RCOR1: variants seen among roughly 807,000 people sequenced by gnomAD.
RCOR1 encodes REST corepressor.
Under a neutral mutation model 64.0 loss-of-function variants are expected in RCOR1, and 12 were observed. The observed-to-expected ratio is 0.19, with a 90% confidence interval of 0.12 to 0.30. The LOEUF (loss-of-function observed/expected upper bound fraction) is 0.30. Ranked by LOEUF, RCOR1 falls within the 10% of genes least tolerant of loss-of-function variation. RCOR1 has a pLI of 1.00. For synonymous variants in RCOR1, 279 were observed against 227.2 expected (o/e 1.23, Z -2.05); for missense variants, 502 against 621.2 (o/e 0.81, Z 2.04).
At chr14:102,660,618 A>C (rs1346748734) in intron 2 of RCOR1, among the ~76,000 whole-genome samples, 2 of 152,128 alleles carry the variant, frequency 1.3e-5, no homozygotes, top group Non-Finnish European at 1.5e-5. Context: ...GGTTCTCCCT[A>C]CTTGGCCTCC....
chr14:102,632,847 C>G (rs1019379570), intron 2 of RCOR1, among the ~76,000 whole-genome samples: 4 of 145,944 alleles, frequency 2.7e-5, no homozygotes, highest in African/African-American at 1.0e-4. Flanking sequence ...GGATCTCACT[C>G]TGTCACCTAG....
intron 2 of RCOR1, among the ~76,000 whole-genome samples, chr14:102,602,737 G>A (rs1211796368): frequency 6.6e-6 from 1 of 151,780 alleles, no homozygotes; most frequent in Non-Finnish European, 1.5e-5. Flanking sequence ...ACTTGATATC[G>A]TTCTGCCTCT....
chr14:102,669,417 A>C (rs554650807), intron 2 of RCOR1, among the ~76,000 whole-genome samples: 46 of 152,312 alleles, frequency 3.0e-4, no homozygotes, highest in African/African-American at 1.0e-3. Context: ...AGAATTCTTA[A>C]GCCATTTAAC....
chr14:102,702,516 G>T lies in RCOR1; in HGVS notation c.498+1186G>T, dbSNP rs182449756. 4.7e-5 allele frequency among the ~76,000 whole-genome samples: 7 copies of T among 150,484 alleles called. No homozygotes were observed. In the East Asian group the frequency reaches 1.4e-3, roughly 29 times the overall value. ...AATATATATAATTTTTAAAATAAAAGAATAACAGCAATTGTTCTTTCATAA... is the reference window on the plus strand; with the variant it reads ...AATATATATAATTTTTAAAATAAAATAATAACAGCAATTGTTCTTTCATAA... On this transcript the variant is annotated intron_variant, in intron 4 of 11. Transcript: ENST00000262241.
At chr14:102,622,856 A>G (rs557057133) in intron 2 of RCOR1, among the ~76,000 whole-genome samples, 4 of 152,274 alleles carry the variant, frequency 2.6e-5, no homozygotes, top group African/African-American at 7.2e-5. Context: ...AGTTTGTACT[A>G]TGCGCTCCTG....
intron 11 of RCOR1, among the ~76,000 whole-genome samples, chr14:102,724,100 A>G (rs1298541393): frequency 6.6e-6 from 1 of 152,064 alleles, no homozygotes; most frequent in South Asian, 2.1e-4. Context: ...GGATTGCATT[A>G]TCAAAGTACC....
chr14:102,674,363 C>T (rs183715319), intron 2 of RCOR1, among the ~76,000 whole-genome samples: 3 of 152,352 alleles, frequency 2.0e-5, no homozygotes, highest in African/African-American at 7.2e-5. Context: ...AAGCAACACA[C>T]TGTCCTTCCA....
At chr14:102,643,143 G>T (rs1481030373) in intron 2 of RCOR1, 1 of 152,858 alleles carries the variant, frequency 6.5e-6, no homozygotes, top group Non-Finnish European at 1.5e-5. Flanking sequence ...TTAGCCGGGC[G>T]TGGTGGCGGG....
In RCOR1 at chr14:102,618,441, G is replaced by C. The variant is rs549064139; in HGVS notation, c.361+25116G>C. Among the ~76,000 whole-genome samples the C allele has an allele frequency of 3.3e-3, 496 of 151,970 alleles. 2 individuals are homozygous for C. The highest frequency in any genetic ancestry group is 5.6e-3 in the South Asian group (27 of 4,810). On this transcript the variant is annotated intron_variant, in intron 2 of 11. Coordinates refer to ENST00000262241, the MANE Select transcript of RCOR1 (RefSeq NM_015156.4). ...AACCTAGGCAACAGAGTGAGACCAT[G>C]TCTTCAGGGGGAAAAAAAAAGCGCT...
chr14:102,653,017 C>CT (rs1425631392), intron 2 of RCOR1, among the ~76,000 whole-genome samples: 2 of 152,126 alleles, frequency 1.3e-5, no homozygotes, highest in Non-Finnish European at 2.9e-5. Flanking sequence ...ACTGCAACCT[C>CT]TATCTCCTGG....
At position 102,701,275 on chromosome 14, in the gene RCOR1, C is replaced by T. The variant is rs754404879; in HGVS notation, c.446-3C>T. 6.2e-6 allele frequency: 10 copies of T among 1,612,104 alleles called. No individual in the cohort carries two copies. Among genetic ancestry groups the T allele is most frequent in the Middle Eastern group, 1.7e-4 (1 of 6,058 alleles). ...TTTAATGGCATCTCTTCTTGTTTTT[C>T]AGTGGATGAATACATTGCCATTGCC... On this transcript the variant is annotated splice_polypyrimidine_tract_variant and splice_region_variant and intron_variant, in intron 3 of 11. Transcript: ENST00000262241.
At chr14:102,708,617 T>C in intron 6 of RCOR1, 34 bp downstream of exon 6, 1 of 1,206,642 alleles carries the variant, frequency 8.3e-7, no homozygotes, top group East Asian at 2.3e-5. Context: ...TCTAACCACT[T>C]AGGGGACTAT....
intron 2 of RCOR1, among the ~76,000 whole-genome samples, chr14:102,632,165 A>C (rs998580890): frequency 6.7e-6 from 1 of 149,494 alleles, no homozygotes; most frequent in Non-Finnish European, 1.5e-5. Flanking sequence ...TTAATTTAAC[A>C]CTGGAGGGAA....
intron 2 of RCOR1, among the ~76,000 whole-genome samples, chr14:102,635,272 G>C (rs1459147573): frequency 6.6e-6 from 1 of 152,214 alleles, no homozygotes; most frequent in African/African-American, 2.4e-5. Context: ...GGGCGGCCCA[G>C]GCGGGTGGAT....
chr14:102,595,328 T>C (rs2059119676), intron 2 of RCOR1, among the ~76,000 whole-genome samples: 1 of 151,946 alleles, frequency 6.6e-6, no homozygotes, highest in South Asian at 2.1e-4. Context: ...GTAGTCAGAC[T>C]CTGTCTCAAC....
rs189347007 is a variant in RCOR1, at chr14:102,694,380, C to T, written c.446-6898C>T. Among the ~76,000 whole-genome samples the T allele has an allele frequency of 1.8e-3, 278 of 152,292 alleles. 1 individual carries two copies. In the Middle Eastern group the frequency reaches 0.02, roughly 11 times the overall value. On this transcript the variant is annotated intron_variant, in intron 3 of 11. Transcript: ENST00000262241. ...CACGCCATTCTCCTGCCTCAGCCTC[C>T]CCAGTAGCTGGGACTATAGGCACCC...
intron 2 of RCOR1, among the ~76,000 whole-genome samples, chr14:102,677,164 C>T (rs1338594480): frequency 7.3e-6 from 1 of 136,962 alleles, no homozygotes; most frequent in African/African-American, 2.8e-5. Context: ...GGGGCTGACC[C>T]CCCCCCACCT....
intron 2 of RCOR1, among the ~76,000 whole-genome samples, chr14:102,627,581 C>T (rs932245930): frequency 1.2e-4 from 18 of 151,620 alleles, no homozygotes; most frequent in Admixed American, 2.6e-4. Flanking sequence ...CGCTTGAACC[C>T]GGGAGGCAGA....
chr14:102,612,873 C>T (rs1334657544), intron 2 of RCOR1, among the ~76,000 whole-genome samples: 2 of 148,332 alleles, frequency 1.3e-5, no homozygotes, highest in African/African-American at 2.5e-5. Context: ...GGGAGGATTG[C>T]TTGAACCCAT....
Sources: gnomAD v4.1 joint callset for allele counts (sites outside exome capture counted in the v4.1 genomes callset) on GRCh38, gnomAD v4.1.1 for gene constraint, MANE v1.5 for transcripts, NCBI Gene and HGNC (gene_info 2026-07-23, HGNC 2026-07-21) for gene names.